The following GPC6 variants were observed in gnomAD, a reference collection of about 807,000 sequenced individuals.
The protein encoded by GPC6 is glypican 6.
GPC6 carries 14 observed loss-of-function variants against 55.2 expected under a neutral mutation model. The ratio of observed to expected loss-of-function variants is 0.25; its 90% CI spans 0.17 to 0.40. The LOEUF (loss-of-function observed/expected upper bound fraction) is 0.40. Ranked by LOEUF, GPC6 falls within the 10% of genes least tolerant of loss-of-function variation. The pLI is 1.00. For missense variants in GPC6, 641 were observed against 708.5 expected (o/e 0.90, Z 1.08); for synonymous variants, 278 against 259.6 (o/e 1.07, Z -0.68).
intron 1 of GPC6, among the ~76,000 whole-genome samples, chr13:93,428,678 A>T (rs1180575329): frequency 1.3e-5 from 2 of 152,084 alleles, no homozygotes; most frequent in Admixed American, 6.6e-5. Context: ...ATTCATAGGG[A>T]TATTAGATCA....
At chr13:93,781,307 A>G (rs1303376523) in intron 2 of GPC6, among the ~76,000 whole-genome samples, 1 of 151,946 alleles carries the variant, frequency 6.6e-6, no homozygotes, top group Non-Finnish European at 1.5e-5. Context: ...AGAAATACAT[A>G]ATTATACTTT....
intron 3 of GPC6, among the ~76,000 whole-genome samples, chr13:93,912,168 T>G (rs1214279269): frequency 6.6e-6 from 1 of 152,166 alleles, no homozygotes; most frequent in African/African-American, 2.4e-5. Context: ...TATGAAAATA[T>G]TCTACCATTA....
chr13:93,961,754 G>C (rs1364531744), intron 3 of GPC6, among the ~76,000 whole-genome samples: 2 of 152,114 alleles, frequency 1.3e-5, no homozygotes, highest in Non-Finnish European at 2.9e-5. Context: ...TTTGATTGCA[G>C]TGCAGCCAAC....
At chr13:93,416,266 T>C (rs1056379277) in intron 1 of GPC6, among the ~76,000 whole-genome samples, 2 of 152,106 alleles carry the variant, frequency 1.3e-5, no homozygotes, top group Non-Finnish European at 2.9e-5. Flanking sequence ...TGAATGGCAT[T>C]ATCCTACTAT....
intron 1 of GPC6, among the ~76,000 whole-genome samples, chr13:93,506,699 G>T (rs1002239831): frequency 4.0e-5 from 6 of 151,802 alleles, no homozygotes; most frequent in Non-Finnish European, 7.4e-5. Context: ...GAATATCCTG[G>T]CTCTAAACTT....
chr13:93,495,084 G>C lies in GPC6; in HGVS notation c.161-50179G>C, dbSNP rs999454131. On this transcript the variant is annotated intron_variant, in intron 1 of 8. Transcript: ENST00000377047. ...GAACGTTGGCCTGCCTTGCTAGATTGGGGAAGTTCTCCTGGATAATATCCT... is the reference window on the plus strand; with the variant it reads ...GAACGTTGGCCTGCCTTGCTAGATTCGGGAAGTTCTCCTGGATAATATCCT... Among the ~76,000 whole-genome samples, 7 of 113,476 alleles carry C rather than the reference G, an allele frequency of 6.2e-5. 1 individual carries two copies. Among genetic ancestry groups the C allele is most frequent in the African/African-American group, 2.0e-4 (6 of 30,124 alleles). The allele number at this position is 113,476 out of a possible 152,430, so 74.4% of individuals were successfully genotyped here.
chr13:93,931,765 GAAA>G (rs545578327), intron 3 of GPC6, among the ~76,000 whole-genome samples: 1 of 49,712 alleles, frequency 2.0e-5, no homozygotes, highest in Admixed American at 2.2e-4. Context: ...CTCTGTCTCA[GAAA>G]AAAAAAAAAA....
intron 2 of GPC6, among the ~76,000 whole-genome samples, chr13:93,774,305 G>C (rs1885392775): frequency 6.6e-6 from 1 of 152,140 alleles, no homozygotes; most frequent in African/African-American, 2.4e-5. Flanking sequence ...CAAGAAGAGT[G>C]TAGTCTTTGC....
At chr13:93,747,258 G>A (rs1884427501) in intron 2 of GPC6, among the ~76,000 whole-genome samples, 1 of 152,116 alleles carries the variant, frequency 6.6e-6, no homozygotes, top group Admixed American at 6.5e-5. Context: ...AGTGGCACCA[G>A]GATGTTAAAA....
intron 3 of GPC6, among the ~76,000 whole-genome samples, chr13:93,866,775 C>A (rs1888978858): frequency 6.6e-6 from 1 of 151,620 alleles, no homozygotes; most frequent in South Asian, 2.1e-4. Flanking sequence ...GGGTACCAGG[C>A]TAAATACCTG....
At chr13:93,641,469 T>G (rs1395616382) in intron 2 of GPC6, among the ~76,000 whole-genome samples, 1 of 152,132 alleles carries the variant, frequency 6.6e-6, no homozygotes, top group Non-Finnish European at 1.5e-5. Context: ...CACGAAGATC[T>G]TTCTTTCTCC....
rs138779519 is a variant in GPC6 at position 94,180,821 on chromosome 13, A to G, written c.878-105528A>G. On this transcript the variant is annotated intron_variant, in intron 4 of 8. Coordinates refer to ENST00000377047, the MANE Select transcript of GPC6 (RefSeq NM_005708.5). ...TATCCTTATTGTAAATGTATGTATC[A>G]TCTAAATTCAAGGTAACAGGTTTCC... Among the ~76,000 whole-genome samples the G allele has an allele frequency of 2.0e-5, 3 of 152,306 alleles. No homozygotes were observed. In the East Asian group the frequency reaches 5.8e-4, roughly 29 times the overall value.
chr13:93,963,693 C>G (rs9589873), intron 3 of GPC6, among the ~76,000 whole-genome samples: 2,478 of 152,264 alleles, frequency 0.016, 79 homozygotes, highest in African/African-American at 0.057. Context: ...TGTGACATTT[C>G]ATTGTTGCTG....
intron 2 of GPC6, among the ~76,000 whole-genome samples, chr13:93,626,891 G>A (rs150294877): frequency 8.6e-5 from 13 of 151,962 alleles, no homozygotes; most frequent in Admixed American, 3.9e-4. Flanking sequence ...CACAGGAAAC[G>A]TGACTGGGGA....
At chr13:94,399,392 T>C (rs1881031267) in intron 8 of GPC6, among the ~76,000 whole-genome samples, 1 of 152,236 alleles carries the variant, frequency 6.6e-6, no homozygotes, top group Non-Finnish European at 1.5e-5. Context: ...CATGAAACTA[T>C]ATATGGGTTT....
intron 7 of GPC6, among the ~76,000 whole-genome samples, chr13:94,385,111 A>G (rs1880344568): frequency 6.6e-6 from 1 of 152,094 alleles, no homozygotes. Context: ...GTGGTGGCAC[A>G]TGCCTGTAGT....
At chr13:93,524,344 A>G (rs1050113350) in intron 1 of GPC6, among the ~76,000 whole-genome samples, 1 of 152,044 alleles carries the variant, frequency 6.6e-6, no homozygotes, top group Non-Finnish European at 1.5e-5. Context: ...AGAAGGGGTG[A>G]ACATTGGAAG....
At chr13:93,993,118 TA>T (rs1397022471) in intron 3 of GPC6, among the ~76,000 whole-genome samples, 2 of 152,170 alleles carry the variant, frequency 1.3e-5, no homozygotes, top group African/African-American at 4.8e-5. Context: ...TTTCAAATGC[TA>T]AGTCTGAAAA....
intron 4 of GPC6, among the ~76,000 whole-genome samples, chr13:94,048,949 AG>A (rs1883834784): frequency 2.0e-5 from 3 of 152,024 alleles, no homozygotes. Flanking sequence ...GTATCTATGA[AG>A]AAGGCATTGT....
Sources: allele counts gnomAD v4.1 joint callset (sites outside exome capture counted in the v4.1 genomes callset), GRCh38; gene constraint gnomAD v4.1.1; transcripts MANE v1.5; gene names NCBI Gene and HGNC (gene_info 2026-07-23, HGNC 2026-07-21).